The following LRRC7 variants were observed in gnomAD, a reference collection of about 807,000 sequenced individuals.
LRRC7 encodes the protein leucine rich repeat containing 7.
In LRRC7, 23 loss-of-function variants were observed where a neutral mutation model predicts 175.7. That is an observed-to-expected ratio of 0.13 (90% CI 0.09 to 0.19). LRRC7 has a LOEUF of 0.19. LRRC7 is among the 10% of genes least tolerant of loss of function. The pLI is 1.00. For missense variants in LRRC7, 1,354 were observed against 1,904.7 expected, an observed-to-expected ratio of 0.71 and a Z score of 5.38; for synonymous variants, 685 against 680.9, an observed-to-expected ratio of 1.01 and a Z score of -0.09.
At chr1:69,864,395 A>G (rs565927802) in intron 7 of LRRC7, among the ~76,000 whole-genome samples, 29 of 152,322 alleles carry the variant, frequency 1.9e-4, no homozygotes, top group African/African-American at 6.5e-4. Flanking sequence ...TAAAAACAAA[A>G]GTCTATAATG....
chr1:70,084,349 C>T lies in LRRC7; in HGVS notation c.4453-5378C>T, dbSNP rs1663444629. Among the ~76,000 whole-genome samples, 3 of 152,198 alleles carry T rather than the reference C, an allele frequency of 2.0e-5. No individual in the cohort carries two copies. In the South Asian group the frequency reaches 6.2e-4, roughly 31 times the overall value. ...CTCCCTCCAGCCCTAGACAACCACTCATCTACTTTCTGTCTCTATATATTT... is the reference window on the plus strand; with the variant it reads ...CTCCCTCCAGCCCTAGACAACCACTTATCTACTTTCTGTCTCTATATATTT... On this transcript the variant is annotated intron_variant, in intron 24 of 26. Transcript: ENST00000651989.
intron 2 of LRRC7, among the ~76,000 whole-genome samples, chr1:69,727,253 G>T (rs1346339805): frequency 6.6e-6 from 1 of 152,204 alleles, no homozygotes; most frequent in Admixed American, 6.5e-5. Flanking sequence ...GAGAATGAAT[G>T]ATTCCATCCT....
chr1:69,739,624 C>T (rs368727895), intron 2 of LRRC7, among the ~76,000 whole-genome samples: 10 of 151,960 alleles, frequency 6.6e-5, no homozygotes, highest in East Asian at 3.9e-4. Context: ...TCAATTGTTC[C>T]GACTAGGATT....
At chr1:70,104,151 T>A (rs1046818593) in intron 25 of LRRC7, among the ~76,000 whole-genome samples, 3 of 152,218 alleles carry the variant, frequency 2.0e-5, no homozygotes, top group Non-Finnish European at 4.4e-5. Flanking sequence ...CAGTAGGAAG[T>A]TATTGTTTCT....
In LRRC7 at chr1:69,631,991, G is replaced by C. The variant is rs1004487262; in HGVS notation, c.3-46390G>C. Reference sequence around the variant, plus strand: ...TTTATCATGTCTTACAAGACTTTCTGATTTAAAGTCTTTCCTCCTTTTCCA... The same window carrying C: ...TTTATCATGTCTTACAAGACTTTCTCATTTAAAGTCTTTCCTCCTTTTCCA... On this transcript the variant is annotated intron_variant, in intron 1 of 26. Transcript: ENST00000651989. 5.9e-5 allele frequency among the ~76,000 whole-genome samples: 9 copies of C among 152,172 alleles called. No homozygotes were observed. The South Asian group carries it at 1.5e-3, about 25-fold the overall frequency.
chr1:70,113,974 G>A (rs749575313), intron 26 of LRRC7, among the ~76,000 whole-genome samples: 1 of 151,896 alleles, frequency 6.6e-6, no homozygotes, highest in Non-Finnish European at 1.5e-5. Flanking sequence ...GCCTAAGAGA[G>A]TGTTGATGTT....
chr1:69,735,234 C>T (rs1018403682), intron 2 of LRRC7, among the ~76,000 whole-genome samples: 1 of 151,940 alleles, frequency 6.6e-6, no homozygotes, highest in Admixed American at 6.6e-5. Context: ...TAAATTTCCC[C>T]AGTGGTCCCA....
At chr1:70,113,507 C>G (rs1665652747) in intron 26 of LRRC7, among the ~76,000 whole-genome samples, 1 of 152,050 alleles carries the variant, frequency 6.6e-6, no homozygotes, top group Non-Finnish European at 1.5e-5. Flanking sequence ...GAAGTCATAG[C>G]CAACAGCTTC....
chr1:70,076,413 A>AT, intron 24 of LRRC7, 115 bp downstream of exon 24: 1 of 855,824 alleles, frequency 1.2e-6, no homozygotes, highest in Non-Finnish European at 1.9e-6. Context: ...ACCATGTTGA[A>AT]TGGGGTAGGG....
intron 19 of LRRC7, 58 bp from the exon 20 acceptor site, chr1:70,036,386 C>T: frequency 1.3e-6 from 2 of 1,520,476 alleles, no homozygotes; most frequent in Admixed American, 2.0e-5. Context: ...TTCATACTTG[C>T]TTTTCCGTGT....
chr1:69,896,132 G>A (rs1044237682), intron 7 of LRRC7, among the ~76,000 whole-genome samples: 12 of 151,924 alleles, frequency 7.9e-5, no homozygotes, highest in African/African-American at 2.9e-4. Flanking sequence ...TTGGACTCTG[G>A]TAATAGCGTG....
intron 2 of LRRC7, among the ~76,000 whole-genome samples, chr1:69,745,655 A>C (rs539678188): frequency 2.4e-4 from 36 of 151,934 alleles, no homozygotes; most frequent in Non-Finnish European, 4.9e-4. Flanking sequence ...AAATATTCAC[A>C]GTATAATGCT....
intron 4 of LRRC7, among the ~76,000 whole-genome samples, chr1:69,817,530 T>C (rs1222711548): frequency 6.6e-6 from 1 of 152,144 alleles, no homozygotes; most frequent in East Asian, 1.9e-4. Context: ...TTGATTATAA[T>C]AGCTTAGTAA....
chr1:69,906,372 C>T (rs1409654670), intron 7 of LRRC7, among the ~76,000 whole-genome samples: 2 of 151,892 alleles, frequency 1.3e-5, no homozygotes, highest in African/African-American at 2.4e-5. Context: ...AGGTTTTCTT[C>T]TAGGGTTTTT....
In LRRC7 at chr1:69,970,850, C is replaced by T. The variant is rs553225798; in HGVS notation, c.712-9529C>T. On this transcript the variant is annotated intron_variant, in intron 8 of 26. Transcript: ENST00000651989. ...AAAAAAGAAAACTACAAATCAATAT[C>T]CCTGATGAACATAGATGCTAAAATC... is the stretch of plus-strand genomic sequence containing the variant. Among the ~76,000 whole-genome samples the T allele has an allele frequency of 2.6e-4, 40 of 152,204 alleles. No homozygotes were observed. The South Asian group carries it at 7.9e-3, about 30-fold the overall frequency.
chr1:69,986,659 A>T (rs1324551037), intron 10 of LRRC7, among the ~76,000 whole-genome samples: 1 of 152,200 alleles, frequency 6.6e-6, no homozygotes, highest in Non-Finnish European at 1.5e-5. Flanking sequence ...GCAAAATGTT[A>T]TTATAAGGAG....
chr1:69,670,901 C>T (rs933843430), intron 1 of LRRC7, among the ~76,000 whole-genome samples: 4 of 152,062 alleles, frequency 2.6e-5, no homozygotes, highest in African/African-American at 7.2e-5. Context: ...ACTCACTATT[C>T]GGGGCAGCGG....
At chr1:69,760,164 T>C in intron 2 of LRRC7, 27 bp from the exon 3 acceptor site, 1 of 1,609,020 alleles carries the variant, frequency 6.2e-7, no homozygotes, top group East Asian at 2.2e-5. Context: ...AGCTGTTTTG[T>C]TTTGTTTTGT....
chr1:69,913,231 C>T (rs1404470164), intron 7 of LRRC7, among the ~76,000 whole-genome samples: 2 of 152,092 alleles, frequency 1.3e-5, no homozygotes, highest in East Asian at 3.9e-4. Flanking sequence ...AATATTCTTT[C>T]ACAAAATAAT....
Sources: allele counts gnomAD v4.1 joint callset (sites outside exome capture counted in the v4.1 genomes callset), GRCh38; gene constraint gnomAD v4.1.1; transcripts MANE v1.5; gene names NCBI Gene and HGNC (gene_info 2026-07-23, HGNC 2026-07-21).